CAMKK1: variants seen among roughly 807,000 people sequenced by gnomAD.
CAMKK1 encodes the protein calcium/calmodulin-dependent protein kinase kinase 1.
CAMKK1 carries 20 observed loss-of-function variants against 63.5 expected under a neutral mutation model. That is an observed-to-expected ratio of 0.32 (90% CI 0.22 to 0.46). The LOEUF (loss-of-function observed/expected upper bound fraction) is 0.46. CAMKK1 is among the 20% of genes least tolerant of loss of function. The pLI, the probability that CAMKK1 is intolerant of heterozygous loss-of-function variation, is 1.00. For synonymous variants in CAMKK1, 253 were observed against 269.0 expected (o/e 0.94, Z 0.58); for missense variants, 588 against 658.1 (o/e 0.89, Z 1.17).
Position 3,862,111 on chromosome 17 carries a change from C to T in CAMKK1, c.*100G>A. ...GAGGGGCGGGAGTGGGGCTGCAGTC[C>T]CCAGCCCCCTGCCTGCGGGGGCGGC... On this transcript the variant is annotated 3_prime_UTR_variant, in exon 16 of 16. Coordinates refer to ENST00000348335, the MANE Select transcript of CAMKK1 (RefSeq NM_032294.3). The surrounding 1 kb of genome is among the most constrained non-coding windows in gnomAD (Gnocchi z 4.1). 1.0e-6 allele frequency: 1 copy of T among 966,834 alleles called. No individual in the cohort carries two copies. Among genetic ancestry groups the T allele is most frequent in the Non-Finnish European group, 1.6e-6 (1 of 634,942 alleles). The allele number at this position is 966,834 out of a possible 1,614,324, so 59.9% of individuals were successfully genotyped here.
At chr17:3,864,378 C>G (rs1208665971) in intron 15 of CAMKK1, among the ~76,000 whole-genome samples, 1 of 152,166 alleles carries the variant, frequency 6.6e-6, no homozygotes, top group Non-Finnish European at 1.5e-5. Context: ...TCCTGAGTAG[C>G]TGGGACTCCA....
At chr17:3,873,295 G>A (rs927190870) in intron 11 of CAMKK1, 114 bp downstream of exon 11, 10 of 881,494 alleles carry the variant, frequency 1.1e-5, no homozygotes, top group Admixed American at 2.0e-5. Flanking sequence ...CCTTCTCTGA[G>A]CCAGGTGGGC....
At position 3,882,678 on chromosome 17, in the gene CAMKK1, A is replaced by G; in HGVS notation, c.649-114T>C. 6 of 1,000,550 alleles carry G rather than the reference A, an allele frequency of 6.0e-6. No homozygotes were observed. Among genetic ancestry groups the G allele is most frequent in the Non-Finnish European group, 9.2e-6 (6 of 655,052 alleles). The allele number at this position is 1,000,550 out of a possible 1,614,324, so 62.0% of individuals were successfully genotyped here. A position where few individuals can be genotyped will look rare whatever the true frequency, so the allele number is the denominator to read the frequency against. On this transcript the variant is annotated intron_variant, in intron 6 of 15. Transcript: ENST00000348335. The surrounding 1 kb of genome is among the most constrained non-coding windows in gnomAD (Gnocchi z 4.3). ...CCCTTAGTATGCATGCAACCACCCC[A>G]GACAAGGAAGCAGGAAGTGTACAGG...
In CAMKK1 at chr17:3,885,607, G is replaced by A. The variant is rs528769585; in HGVS notation, c.81C>T (p.His27=). The A allele has an allele frequency of 6.2e-7, 1 of 1,614,104 alleles. No individual in the cohort carries two copies. The highest frequency in any genetic ancestry group is 1.1e-5 in the South Asian group (1 of 91,088). ...CTGGGCCACCATCTGCCTCCTCCAAGTGAGTCACATCGATGGCTGCCACCC... is the reference window on the plus strand; with the variant it reads ...CTGGGCCACCATCTGCCTCCTCCAAATGAGTCACATCGATGGCTGCCACCC... ...VERVAAIDVT[H]LEEADGGPEP... The change falls in exon 2 of 16, where the codon CAC becomes CAT. Residue 27 remains histidine (H), a synonymous_variant. Coordinates refer to ENST00000348335, the MANE Select transcript of CAMKK1 (RefSeq NM_032294.3).
chr17:3,869,553 G>A lies in CAMKK1; in HGVS notation c.1275C>T (p.Ser425=), dbSNP rs374592754. The part of the protein sequence containing the change: ...EPLPSEEEHC[S]VVEVTEEEVK... ...CCTCCTCCTCTGTCACCTCCACCACGCTGCAGTGCTCCTCCTCCGAAGGAA... is the reference window on the plus strand; with the variant it reads ...CCTCCTCCTCTGTCACCTCCACCACACTGCAGTGCTCCTCCTCCGAAGGAA... Residue 425 remains serine (S), a synonymous_variant, in exon 14 of 16, where the codon AGC becomes AGT. Coordinates refer to ENST00000348335, the MANE Select transcript of CAMKK1 (RefSeq NM_032294.3). The A allele has an allele frequency of 3.4e-5, 55 of 1,614,046 alleles. No individual in the cohort carries two copies. Among genetic ancestry groups the A allele is most frequent in the Admixed American group, 5.0e-5 (3 of 59,994 alleles).
At chr17:3,869,143 T>G (rs1371078979) in intron 14 of CAMKK1, among the ~76,000 whole-genome samples, 5 of 147,536 alleles carry the variant, frequency 3.4e-5, no homozygotes, top group African/African-American at 1.3e-4. Context: ...TAATTTTCTA[T>G]ATTTTTAGTA....
At position 3,876,335 on chromosome 17, in the gene CAMKK1, C is replaced by G; in HGVS notation, c.884G>C (p.Gly295Ala). The G allele has an allele frequency of 6.2e-7, 1 of 1,614,230 alleles. No individual in the cohort carries two copies. The highest frequency in any genetic ancestry group is 8.5e-7 in the Non-Finnish European group (1 of 1,180,040). ...DDGHVKIADFGVSNQFEGNDA... is the reference protein window; with the variant it reads ...DDGHVKIADFAVSNQFEGNDA... Reference sequence around the variant, plus strand: ...GTTCCCCTCAAACTGGTTGCTGACGCCAAAGTCGGCGATCTTCACGTGCCC... The same window carrying G: ...GTTCCCCTCAAACTGGTTGCTGACGGCAAAGTCGGCGATCTTCACGTGCCC... Residue 295 changes from glycine to alanine, a missense_variant, in exon 10 of 16, where the codon GGC (glycine) becomes GCC (alanine). Coordinates refer to ENST00000348335, the MANE Select transcript of CAMKK1 (RefSeq NM_032294.3).
intron 12 of CAMKK1, among the ~76,000 whole-genome samples, chr17:3,871,319 GTTTGTTGTTTTTTGTTTTTTTTTT>G (rs2054836720): frequency 8.8e-6 from 1 of 113,738 alleles, no homozygotes; most frequent in South Asian, 3.2e-4. Context: ...TTCTTTTTTT[GTTTGTTGTTTTTTGTTTTTTTTTT>G]TTTGTTTTTT....
In CAMKK1 at chr17:3,868,425, GTGCTGCCT is replaced by G. The variant is rs1567613826; in HGVS notation, c.1341+1054_1341+1061del. 1.7e-5 allele frequency among the ~76,000 whole-genome samples: 2 copies of G among 116,746 alleles called. 1 individual carries two copies. The highest frequency in any genetic ancestry group is 4.1e-5 in the Non-Finnish European group (2 of 48,706). The allele number at this position is 116,746 out of a possible 152,430, so 76.6% of individuals were successfully genotyped here. A position where few individuals can be genotyped will look rare whatever the true frequency, so the allele number is the denominator to read the frequency against. ...TATGTGGGCTCTGGGGGAGACACAG[GTGCTGCCT>G]AACTGATACGTGGGCTCTGGGGGAG... On this transcript the variant is annotated intron_variant, in intron 14 of 15. Coordinates refer to ENST00000348335, the MANE Select transcript of CAMKK1 (RefSeq NM_032294.3).
intron 12 of CAMKK1, 136 bp downstream of exon 12, chr17:3,872,418 G>A (rs2054928909): frequency 1.4e-6 from 1 of 694,076 alleles, no homozygotes; most frequent in Non-Finnish European, 2.6e-6. Context: ...CTATTCAGGG[G>A]TCCCTCCCAG....
chr17:3,874,733 T>G (rs939845759), intron 10 of CAMKK1, among the ~76,000 whole-genome samples: 6 of 151,488 alleles, frequency 4.0e-5, no homozygotes, highest in African/African-American at 1.5e-4. Context: ...GGTCTCAAAC[T>G]CCTGACCTCA....
At chr17:3,876,553 C>CAAAATGTCAATAATTGGTGAAT in intron 9 of CAMKK1, 131 bp from the exon 10 acceptor site, 1 of 740,546 alleles carries the variant, frequency 1.4e-6, no homozygotes. Context: ...CTGGTGACGA[C>CAAAATGTCAATAATTGGTGAAT]CTGGGAGGAG....
chr17:3,869,397 C>T, intron 14 of CAMKK1, 90 bp downstream of exon 14: 1 of 1,540,684 alleles, frequency 6.5e-7, no homozygotes, highest in Non-Finnish European at 8.8e-7. Context: ...GCCAGGCAGG[C>T]CTCTGTCCCC....
At chr17:3,874,181 T>C (rs1324474215) in intron 10 of CAMKK1, among the ~76,000 whole-genome samples, 2 of 152,004 alleles carry the variant, frequency 1.3e-5, no homozygotes, top group African/African-American at 2.4e-5. Context: ...AACAGGCTGG[T>C]TGTCTTCCAA....
chr17:3,871,906 A>G (rs1372843484), intron 12 of CAMKK1, among the ~76,000 whole-genome samples: 1 of 151,958 alleles, frequency 6.6e-6, no homozygotes, highest in Non-Finnish European at 1.5e-5. Flanking sequence ...TCAGCCTCCC[A>G]AAGTGCTGGG....
rs916062487 is a variant in CAMKK1, at chr17:3,862,045, C to T, written c.*166G>A. On this transcript the variant is annotated 3_prime_UTR_variant, in exon 16 of 16. Coordinates refer to ENST00000348335, the MANE Select transcript of CAMKK1 (RefSeq NM_032294.3). This position sits in a 1 kb window ranked among gnomAD's most constrained non-coding sequence, Gnocchi z 4.1. ...CCAAATGACATACATTCCAGTCTGTCCCTGGACGTGCGTGCGTGGAGGTCA... is the reference window on the plus strand; with the variant it reads ...CCAAATGACATACATTCCAGTCTGTTCCTGGACGTGCGTGCGTGGAGGTCA... The T allele has an allele frequency of 2.7e-5, 17 of 621,012 alleles. No individual in the cohort carries two copies. The East Asian group carries it at 4.4e-4, about 16-fold the overall frequency. The allele number at this position is 621,012 out of a possible 1,614,324, so 38.5% of individuals were successfully genotyped here. A position where few individuals can be genotyped will look rare whatever the true frequency, so the allele number is the denominator to read the frequency against.
At position 3,879,975 on chromosome 17, in the gene CAMKK1, G is replaced by GC. The variant is rs1273092715; in HGVS notation, c.796+370dup. ...AAATCCACCCTGCCACCATGCCCCG[G>GC]CCCCATGCCAGGACAGACTCTCCCC... is the stretch of plus-strand genomic sequence containing the variant. On this transcript the variant is annotated intron_variant, in intron 9 of 15. Transcript: ENST00000348335. This position sits in a 1 kb window ranked among gnomAD's most constrained non-coding sequence, Gnocchi z 4.5. 4.0e-6 allele frequency: 1 copy of GC among 250,670 alleles called. No individual in the cohort carries two copies. The highest frequency in any genetic ancestry group is 2.2e-5 in the African/African-American group (1 of 44,722). The allele number at this position is 250,670 out of a possible 1,614,324, so 15.5% of individuals were successfully genotyped here.
In CAMKK1 at chr17:3,871,511, C is replaced by T. The variant is rs568696201; in HGVS notation, c.1124+1043G>A. Among the ~76,000 whole-genome samples, 216 of 150,628 alleles carry T rather than the reference C, an allele frequency of 1.4e-3. 1 individual carries two copies. Among genetic ancestry groups the T allele is most frequent in the Middle Eastern group, 3.4e-3 (1 of 292 alleles). On this transcript the variant is annotated intron_variant, in intron 12 of 15. Coordinates refer to ENST00000348335, the MANE Select transcript of CAMKK1 (RefSeq NM_032294.3). Reference sequence around the variant, plus strand: ...CTGGGACTACAGGCACCCGCCACCACGCCCGGCTAATTTTTTTTCTATTTT... The same window carrying T: ...CTGGGACTACAGGCACCCGCCACCATGCCCGGCTAATTTTTTTTCTATTTT...
rs1252071315 is a variant in CAMKK1 at position 3,881,722 on chromosome 17, G to A, written c.686-74C>T. 9 of 1,399,170 alleles carry A rather than the reference G, an allele frequency of 6.4e-6. No individual in the cohort carries two copies. In the South Asian group the frequency reaches 1.1e-4, roughly 17 times the overall value. The allele number at this position is 1,399,170 out of a possible 1,614,324, so 86.7% of individuals were successfully genotyped here. A position where few individuals can be genotyped will look rare whatever the true frequency, so the allele number is the denominator to read the frequency against. ...CGATGCCAAGGTCCCTCCCTGTTCT[G>A]GAGGGTAGGAGAGGGGGCAGGCATG... On this transcript the variant is annotated intron_variant, in intron 7 of 15. Coordinates refer to ENST00000348335, the MANE Select transcript of CAMKK1 (RefSeq NM_032294.3).
Sources: allele counts gnomAD v4.1 joint callset (sites outside exome capture counted in the v4.1 genomes callset), GRCh38; gene constraint gnomAD v4.1.1; non-coding constraint Gnocchi (gnomAD v3.1); transcripts MANE v1.5; gene names NCBI Gene and HGNC (gene_info 2026-07-23, HGNC 2026-07-21).